The following NRXN3 variants were observed in gnomAD, a reference collection of about 807,000 sequenced individuals.
The protein encoded by NRXN3 is neurexin 3, also known as neurexin III.
A neutral mutation model predicts 137.6 loss-of-function variants in NRXN3; 32 were observed. The observed-to-expected ratio is 0.23, with a 90% CI of 0.18 to 0.31. NRXN3 has a LOEUF of 0.31. NRXN3 is among the 10% of genes least tolerant of loss of function. The pLI, the probability that NRXN3 is intolerant of heterozygous loss-of-function variation, is 1.00. For synonymous variants in NRXN3, 798 were observed against 784.5 expected (o/e 1.02, Z -0.29); for missense variants, 1,574 against 2,062.5 (o/e 0.76, Z 4.59).
intron 16 of NRXN3, among the ~76,000 whole-genome samples, chr14:79,533,207 G>T (rs1326820370): frequency 6.6e-6 from 1 of 152,128 alleles, no homozygotes; most frequent in African/African-American, 2.4e-5. Flanking sequence ...AACTGAGAGA[G>T]ACCTTAAGGA....
At chr14:79,837,639 C>A (rs938633340) in intron 20 of NRXN3, among the ~76,000 whole-genome samples, 2 of 152,134 alleles carry the variant, frequency 1.3e-5, no homozygotes, top group Non-Finnish European at 2.9e-5. Context: ...CAAAGTTATT[C>A]TTTTCACCAC....
At chr14:78,478,086 G>A (rs1022902450) in intron 4 of NRXN3, among the ~76,000 whole-genome samples, 1 of 152,178 alleles carries the variant, frequency 6.6e-6, no homozygotes, top group African/African-American at 2.4e-5. Context: ...ATATAGCTGA[G>A]AAGCCAGGGT....
chr14:79,411,602 C>G (rs1317176198), intron 15 of NRXN3, among the ~76,000 whole-genome samples: 4 of 152,156 alleles, frequency 2.6e-5, no homozygotes, highest in South Asian at 2.1e-4. Flanking sequence ...TTTAAACAAC[C>G]ATGTTATACT....
chr14:79,027,842 C>T (rs1595094854), intron 15 of NRXN3, among the ~76,000 whole-genome samples: 1 of 152,134 alleles, frequency 6.6e-6, no homozygotes, highest in East Asian at 1.9e-4. Context: ...TCCTTTTCTA[C>T]CCTCTTCCCC....
intron 16 of NRXN3, among the ~76,000 whole-genome samples, chr14:79,576,965 T>C (rs2097670719): frequency 6.6e-6 from 1 of 152,178 alleles, no homozygotes; most frequent in Non-Finnish European, 1.5e-5. Context: ...CCCACCCAAA[T>C]CTTGCCTTGA....
At chr14:79,147,751 G>A (rs917127933) in intron 15 of NRXN3, among the ~76,000 whole-genome samples, 4 of 152,084 alleles carry the variant, frequency 2.6e-5, no homozygotes, top group Admixed American at 6.6e-5. Context: ...ACCAGGGATG[G>A]ATGCAGGCAG....
intron 17 of NRXN3, among the ~76,000 whole-genome samples, chr14:79,666,847 T>C (rs1273404289): frequency 1.3e-5 from 2 of 152,032 alleles, no homozygotes. Context: ...CTTACAACAA[T>C]GGCAATGTGC....
chr14:78,288,544 T>C (rs2075437907), intron 3 of NRXN3, among the ~76,000 whole-genome samples: 1 of 152,214 alleles, frequency 6.6e-6, no homozygotes, highest in South Asian at 2.1e-4. Flanking sequence ...CACACCATGA[T>C]CTATGTGGGT....
chr14:79,087,138 A>G (rs1230515813), intron 15 of NRXN3, among the ~76,000 whole-genome samples: 1 of 152,172 alleles, frequency 6.6e-6, no homozygotes, highest in East Asian at 1.9e-4. Flanking sequence ...CATGGGCCAT[A>G]CAAGGAGTTG....
chr14:78,216,189 C>A (rs895360294), intron 1 of NRXN3, among the ~76,000 whole-genome samples: 1 of 145,652 alleles, frequency 6.9e-6, no homozygotes, highest in Non-Finnish European at 1.5e-5. Context: ...TATTCAAAGA[C>A]AGATTTTTTT....
At position 78,505,620 on chromosome 14, in the gene NRXN3, G is replaced by A. The variant is rs181141094; in HGVS notation, c.758-139500G>A. Among the ~76,000 whole-genome samples the A allele has an allele frequency of 2.4e-3, 362 of 152,158 alleles. 1 individual carries two copies. The highest frequency in any genetic ancestry group is 7.9e-3 in the African/African-American group (327 of 41,508). On this transcript the variant is annotated intron_variant, in intron 4 of 20. Transcript: ENST00000335750. ...GATTTAATCATTTCGCATTGTATAC[G>A]TGTCAAAAGATCACATAATATTCCA...
At chr14:79,276,856 A>T (rs902185138) in intron 15 of NRXN3, among the ~76,000 whole-genome samples, 4 of 152,204 alleles carry the variant, frequency 2.6e-5, no homozygotes, top group Admixed American at 1.3e-4. Context: ...TGAGTATGAG[A>T]TTGGCAATTG....
chr14:79,541,173 G>T (rs374633116), intron 16 of NRXN3, among the ~76,000 whole-genome samples: 17 of 152,210 alleles, frequency 1.1e-4, no homozygotes, highest in African/African-American at 3.9e-4. Flanking sequence ...CACTTTGGGA[G>T]GCCAAGGCAG....
At chr14:79,729,321 G>T (rs538613988) in intron 19 of NRXN3, among the ~76,000 whole-genome samples, 1 of 152,174 alleles carries the variant, frequency 6.6e-6, no homozygotes, top group South Asian at 2.1e-4. Flanking sequence ...TTGGATTCAA[G>T]TTTTTCCTAT....
chr14:79,867,715 A>G lies in NRXN3; in HGVS notation c.*5751A>G, dbSNP rs2099418593. On this transcript the variant is annotated 3_prime_UTR_variant, in exon 21 of 21. Coordinates refer to ENST00000335750, the MANE Select transcript of NRXN3 (RefSeq NM_001330195.2). ...GTTGAAGTTCCAAAGTATCAAGGGA[A>G]TCAGAATTGGGAAGCAATTCTAACC... 1.3e-5 allele frequency: 2 copies of G among 152,132 alleles called. No homozygotes were observed. The highest frequency in any genetic ancestry group is 1.3e-4 in the Admixed American group (2 of 15,272). 9.4% of individuals were successfully genotyped at this position (152,132 alleles called of 1,614,324 possible).
chr14:79,761,315 G>A (rs920883742), intron 19 of NRXN3, among the ~76,000 whole-genome samples: 8 of 151,530 alleles, frequency 5.3e-5, no homozygotes, highest in Non-Finnish European at 8.8e-5. Context: ...CATCATAGCT[G>A]GGTGTGAAGA....
intron 15 of NRXN3, among the ~76,000 whole-genome samples, chr14:79,044,706 C>G (rs1259149713): frequency 6.6e-6 from 1 of 151,992 alleles, no homozygotes; most frequent in Non-Finnish European, 1.5e-5. Flanking sequence ...TGAACACACA[C>G]ACACACACAC....
chr14:79,211,699 G>A (rs921439939), intron 15 of NRXN3, among the ~76,000 whole-genome samples: 1 of 152,096 alleles, frequency 6.6e-6, no homozygotes, highest in Non-Finnish European at 1.5e-5. Context: ...GAGACTTAAT[G>A]TTCTTTGATT....
chr14:78,308,073 T>C (rs1211886290), intron 4 of NRXN3, among the ~76,000 whole-genome samples: 1 of 150,044 alleles, frequency 6.7e-6, no homozygotes, highest in Non-Finnish European at 1.5e-5. Context: ...ATGAAAAATG[T>C]TGCTTAATAA....
Sources: allele counts gnomAD v4.1 joint callset (sites outside exome capture counted in the v4.1 genomes callset), GRCh38; gene constraint gnomAD v4.1.1; transcripts MANE v1.5; gene names NCBI Gene and HGNC (gene_info 2026-07-23, HGNC 2026-07-21).